CCNK: variants seen among roughly 807,000 people sequenced by gnomAD.
CCNK encodes the protein cyclin K, also known as cyclin-K.
In CCNK, 9 loss-of-function variants were observed where a neutral mutation model predicts 65.0. That is an observed-to-expected ratio of 0.14 (90% CI 0.08 to 0.24). The LOEUF is 0.24. Among genes scored for constraint, CCNK ranks in the 10% least tolerant of loss-of-function variants. CCNK has a pLI of 1.00. For synonymous variants in CCNK, 279 were observed against 270.8 expected, an observed-to-expected ratio of 1.03 and a Z score of -0.30; for missense variants, 474 against 720.0, an observed-to-expected ratio of 0.66 and a Z score of 3.91.
At chr14:99,502,596 G>C in intron 7 of CCNK, 123 bp from the exon 8 acceptor site, 1 of 1,205,992 alleles carries the variant, frequency 8.3e-7, no homozygotes, top group African/African-American at 1.5e-5. Context: ...CGAAGATGGG[G>C]TGAGTTGTAA....
In CCNK at chr14:99,502,948, G is replaced by A. The variant is rs1195017228; in HGVS notation, c.975G>A (p.Pro325=). The part of the protein sequence containing the change: ...QPAQQPKKPS[P]QPSSPRQVKR... ...CCCAACAGCCCAAGAAACCCTCTCC[G>A]CAGCCCAGTTCTCCCCGACAGGTTA... Residue 325 remains proline (P), a synonymous_variant, in exon 8 of 11, where the codon CCG becomes CCA. Transcript: ENST00000389879. The A allele has an allele frequency of 6.2e-6, 10 of 1,613,750 alleles. No individual in the cohort carries two copies. Among genetic ancestry groups the A allele is most frequent in the South Asian group, 5.5e-5 (5 of 91,074 alleles).
In CCNK at chr14:99,510,885, C is replaced by A; in HGVS notation, c.*103C>A. ...GCAGGGTACCTTGTATAATGCACGA[C>A]AGTTGCAGTATGGGAAGAATGGACC... On this transcript the variant is annotated 3_prime_UTR_variant, in exon 11 of 11. Coordinates refer to ENST00000389879, the MANE Select transcript of CCNK (RefSeq NM_001099402.2). The A allele has an allele frequency of 9.9e-7, 1 of 1,007,122 alleles. No homozygotes were observed. Among genetic ancestry groups the A allele is most frequent in the Non-Finnish European group, 1.3e-6 (1 of 759,030 alleles). 62.4% of individuals were successfully genotyped at this position (1,007,122 alleles called of 1,614,324 possible).
chr14:99,493,681 C>T, intron 3 of CCNK, 86 bp downstream of exon 3: 1 of 895,212 alleles, frequency 1.1e-6, no homozygotes, highest in Non-Finnish European at 1.7e-6. Context: ...CTCTATTTTT[C>T]TCATATTTTC....
At chr14:99,489,036 T>A (rs1896548190) in intron 1 of CCNK, among the ~76,000 whole-genome samples, 1 of 152,094 alleles carries the variant, frequency 6.6e-6, no homozygotes, top group South Asian at 2.1e-4. Flanking sequence ...ACCTGCTTCC[T>A]TTTAGAGGGT....
rs1897143277 is a variant in CCNK, at chr14:99,512,051, CCTTTA to C, written c.*1270_*1274del. 1 of 152,230 alleles carries C rather than the reference CCTTTA, an allele frequency of 6.6e-6. No individual in the cohort carries two copies. Among genetic ancestry groups the C allele is most frequent in the Non-Finnish European group, 1.5e-5 (1 of 68,034 alleles). The allele number at this position is 152,230 out of a possible 1,614,324, so 9.4% of individuals were successfully genotyped here. A position where few individuals can be genotyped will look rare whatever the true frequency, so the allele number is the denominator to read the frequency against. On this transcript the variant is annotated 3_prime_UTR_variant, in exon 11 of 11. Transcript: ENST00000389879. ...CCCAGCCAGGAGGCTCACAAAGAGGCCTTTATTTATCTAGCTCAAAGTAGACACTA... is the reference window on the plus strand; with the variant it reads ...CCCAGCCAGGAGGCTCACAAAGAGGCTTTATCTAGCTCAAAGTAGACACTA...
intron 6 of CCNK, 148 bp downstream of exon 6, chr14:99,501,561 C>T (rs1595315460): frequency 4.9e-6 from 3 of 607,720 alleles, no homozygotes; most frequent in Middle Eastern, 4.2e-4. Flanking sequence ...CTGGGGCTGA[C>T]GTCCAGGTCA....
At chr14:99,482,694 A>G (rs1465703098) in intron 1 of CCNK, among the ~76,000 whole-genome samples, 3 of 152,188 alleles carry the variant, frequency 2.0e-5, no homozygotes, top group Non-Finnish European at 4.4e-5. Flanking sequence ...CATTTTGAAA[A>G]TGTAGTTTGC....
At chr14:99,486,040 A>G (rs1896476733) in intron 1 of CCNK, among the ~76,000 whole-genome samples, 1 of 152,230 alleles carries the variant, frequency 6.6e-6, no homozygotes, top group African/African-American at 2.4e-5. Flanking sequence ...AAACTGTACA[A>G]ATCAGTCGTT....
chr14:99,488,290 AAAG>A (rs960110632), intron 1 of CCNK, among the ~76,000 whole-genome samples: 1 of 152,038 alleles, frequency 6.6e-6, no homozygotes, highest in African/African-American at 2.4e-5. Flanking sequence ...AAAAAAAAAA[AAAG>A]CAGGATCTAA....
In CCNK at chr14:99,510,446, A is replaced by C. The variant is rs780139204; in HGVS notation, c.1407A>C (p.Ala469=). Reference sequence around the variant, plus strand: ...TGCCCCCCGCCTACGGCCCACCTGCACACCTGCCCTACCACCCCCATGTCT... The same window carrying C: ...TGCCCCCCGCCTACGGCCCACCTGCCCACCTGCCCTACCACCCCCATGTCT... ...GALPPAYGPP[A]HLPYHPHVYP... is the part of the protein sequence containing the mutation. Residue 469 remains alanine (A), a synonymous_variant, in exon 11 of 11, where the codon GCA becomes GCC. Coordinates refer to ENST00000389879, the MANE Select transcript of CCNK (RefSeq NM_001099402.2). 70 of 1,516,726 alleles carry C rather than the reference A, an allele frequency of 4.6e-5. No individual in the cohort carries two copies. The highest frequency in any genetic ancestry group is 5.3e-5 in the Non-Finnish European group (60 of 1,133,874). 94.0% of individuals were successfully genotyped at this position (1,516,726 alleles called of 1,614,324 possible). A position where few individuals can be genotyped will look rare whatever the true frequency, so the allele number is the denominator to read the frequency against.
In CCNK at chr14:99,510,521, C is replaced by A; in HGVS notation, c.1482C>A (p.Phe494Leu). ...CTGTGCCTCCTCCCCCAGCCTCCTT[C>A]CCCCCACCTGCCATCCCACCCCCTA... ...PPPVPPPPAS[F>L]PPPAIPPPTP... Residue 494 changes from phenylalanine to leucine, a missense_variant, in exon 11 of 11, where the codon TTC (phenylalanine) becomes TTA (leucine). By Grantham distance (22) the Phe-to-Leu change is conservative (BLOSUM62 0). Coordinates refer to ENST00000389879, the MANE Select transcript of CCNK (RefSeq NM_001099402.2). 1.8e-6 allele frequency: 1 copy of A among 566,122 alleles called. No homozygotes were observed. The highest frequency in any genetic ancestry group is 2.8e-6 in the Non-Finnish European group (1 of 358,450). 35.1% of individuals were successfully genotyped at this position (566,122 alleles called of 1,614,324 possible). A position where few individuals can be genotyped will look rare whatever the true frequency, so the allele number is the denominator to read the frequency against.
At chr14:99,503,109 G>GCAGT in intron 8 of CCNK, 125 bp downstream of exon 8, 1 of 1,092,216 alleles carries the variant, frequency 9.2e-7, no homozygotes, top group Non-Finnish European at 1.4e-6. Context: ...GCCGAAACTC[G>GCAGT]CAGTCCGACT....
Position 99,492,688 on chromosome 14 carries a change from A to G in CCNK, c.11A>G (p.Asn4Ser). The G allele has an allele frequency of 6.2e-7, 1 of 1,606,282 alleles. No homozygotes were observed. The highest frequency in any genetic ancestry group is 1.1e-5 in the South Asian group (1 of 89,356). Residue 4 changes from asparagine to serine, a missense_variant, in exon 2 of 11, where the codon AAT (asparagine) becomes AGT (serine). This residue lies in a region of CCNK where 87 missense variants were observed against 166.2 expected (regional missense o/e 0.52). Transcript: ENST00000389879. Reference sequence around the variant, plus strand: ...AGCCTACTTCAATAAATGAAGGAGAATAAAGAAAATTCAAGCCCTTCAGTA... The same window carrying G: ...AGCCTACTTCAATAAATGAAGGAGAGTAAAGAAAATTCAAGCCCTTCAGTA... MKE[N>S]KENSSPSVTS...
intron 1 of CCNK, among the ~76,000 whole-genome samples, chr14:99,490,887 C>T (rs1896583470): frequency 6.7e-6 from 1 of 150,310 alleles, no homozygotes; most frequent in Admixed American, 6.6e-5. Context: ...GAGATCATGC[C>T]ACTGGCACTC....
At chr14:99,496,592 C>T (rs1896706300) in intron 4 of CCNK, among the ~76,000 whole-genome samples, 1 of 151,996 alleles carries the variant, frequency 6.6e-6, no homozygotes, top group South Asian at 2.1e-4. Context: ...TGCCTGTAGT[C>T]CCAGCTACTC....
intron 4 of CCNK, 21 bp downstream of exon 4, chr14:99,495,650 C>T: frequency 1.3e-6 from 2 of 1,592,698 alleles, no homozygotes; most frequent in Middle Eastern, 1.7e-4. Context: ...TAATAACTTC[C>T]TGCCTTCTGG....
intron 10 of CCNK, 75 bp downstream of exon 10, chr14:99,507,222 CT>C: frequency 1.1e-6 from 1 of 914,658 alleles, no homozygotes; most frequent in Non-Finnish European, 1.8e-6. Flanking sequence ...GTCCTGGGAA[CT>C]TAGAAAAGGG....
chr14:99,502,570 C>G lies in CCNK; in HGVS notation c.746-149C>G, dbSNP rs3918089. The G allele has an allele frequency of 1.5e-4, 175 of 1,199,868 alleles. 1 individual carries two copies. In the African/African-American group the frequency reaches 2.5e-3, roughly 17 times the overall value. The allele number at this position is 1,199,868 out of a possible 1,614,324, so 74.3% of individuals were successfully genotyped here. A position where few individuals can be genotyped will look rare whatever the true frequency, so the allele number is the denominator to read the frequency against. On this transcript the variant is annotated intron_variant, in intron 7 of 10. Coordinates refer to ENST00000389879, the MANE Select transcript of CCNK (RefSeq NM_001099402.2). ...ACTTTTGGTAAACTAAAAATACACA[C>G]CAGTGTTGCACACAACGAAGATGGG... is the stretch of plus-strand genomic sequence containing the variant.
chr14:99,504,007 G>T lies in CCNK; in HGVS notation c.1045+363G>T, dbSNP rs3918092. Reference sequence around the variant, plus strand: ...CCAAGCACCAAGCCACAGCAGATGCGGGGGGGCAGTAGGGGGTGGTGTGCT... The same window carrying T: ...CCAAGCACCAAGCCACAGCAGATGCTGGGGGGCAGTAGGGGGTGGTGTGCT... On this transcript the variant is annotated intron_variant, in intron 9 of 10. Transcript: ENST00000389879. The T allele has an allele frequency of 2.7e-4, 96 of 352,740 alleles. 1 individual carries two copies. In the East Asian group the frequency reaches 7.1e-3, roughly 26 times the overall value. The allele number at this position is 352,740 out of a possible 1,614,324, so 21.9% of individuals were successfully genotyped here.
Sources: gnomAD v4.1 joint callset for allele counts (sites outside exome capture counted in the v4.1 genomes callset) on GRCh38, gnomAD v4.1.1 for gene constraint, gnomAD v4.1.1 regional missense constraint, MANE v1.5 for transcripts, NCBI Gene and HGNC (gene_info 2026-07-23, HGNC 2026-07-21) for gene names.